The following MGAT4C variants were observed in gnomAD, a reference collection of about 807,000 sequenced individuals.
The protein encoded by MGAT4C is alpha-1,3-mannosyl-glycoprotein 4-beta-N-acetylglucosaminyltransferase C.
Under a neutral mutation model 40.1 loss-of-function variants are expected in MGAT4C, and 19 were observed. That is an observed-to-expected ratio of 0.47 (90% CI 0.33 to 0.70). The LOEUF is 0.70. Among genes scored for constraint, MGAT4C ranks in the 30% least tolerant of loss-of-function variants. The pLI is 0.02. For synonymous variants in MGAT4C, 181 were observed against 187.1 expected, an observed-to-expected ratio of 0.97 and a Z score of 0.27; for missense variants, 491 against 563.2, an observed-to-expected ratio of 0.87 and a Z score of 1.30.
At chr12:86,521,601 T>G (rs1248114876) in intron 2 of MGAT4C, among the ~76,000 whole-genome samples, 1 of 151,906 alleles carries the variant, frequency 6.6e-6, no homozygotes, top group Admixed American at 6.6e-5. Flanking sequence ...TATGAATTTT[T>G]AATTTTTTTT....
intron 1 of MGAT4C, among the ~76,000 whole-genome samples, chr12:86,124,510 GT>G (rs564527980): frequency 3.9e-4 from 59 of 152,254 alleles, no homozygotes; most frequent in Non-Finnish European, 3.5e-4. Context: ...TTGTTGGTTG[GT>G]TTGGTAAGTC....
intron 2 of MGAT4C, among the ~76,000 whole-genome samples, chr12:86,454,832 T>G (rs1474268665): frequency 6.6e-6 from 1 of 152,084 alleles, no homozygotes; most frequent in Non-Finnish European, 1.5e-5. Flanking sequence ...ATATGAAATC[T>G]GTGTAAATTC....
intron 3 of MGAT4C, among the ~76,000 whole-genome samples, chr12:85,985,048 G>A (rs1442989140): frequency 6.6e-6 from 1 of 152,172 alleles, no homozygotes; most frequent in Non-Finnish European, 1.5e-5. Context: ...CCAAAGTGCT[G>A]GGATTATAGG....
At chr12:86,643,897 A>C (rs1963461850) in intron 2 of MGAT4C, among the ~76,000 whole-genome samples, 1 of 151,804 alleles carries the variant, frequency 6.6e-6, no homozygotes, top group Non-Finnish European at 1.5e-5. Flanking sequence ...AAATACACTA[A>C]ATTGTATACT....
At chr12:86,097,375 G>A (rs761952240) in intron 1 of MGAT4C, among the ~76,000 whole-genome samples, 4 of 151,610 alleles carry the variant, frequency 2.6e-5, no homozygotes, top group Non-Finnish European at 4.4e-5. Flanking sequence ...ATTGACTTTA[G>A]AATAACAATG....
At chr12:86,021,753 C>A (rs1238026884) in intron 2 of MGAT4C, among the ~76,000 whole-genome samples, 1 of 151,962 alleles carries the variant, frequency 6.6e-6, no homozygotes, top group African/African-American at 2.4e-5. Context: ...ATAAAAAAGA[C>A]ATAATACATA....
At chr12:86,010,724 T>C (rs1371341401) in intron 2 of MGAT4C, among the ~76,000 whole-genome samples, 1 of 152,018 alleles carries the variant, frequency 6.6e-6, no homozygotes, top group Non-Finnish European at 1.5e-5. Context: ...AAAACCCATG[T>C]TGAAAGATAA....
chr12:86,424,795 C>T lies in MGAT4C; in HGVS notation c.-120+10362G>A, dbSNP rs11103955. Among the ~76,000 whole-genome samples the T allele has an allele frequency of 6.4e-3, 972 of 152,224 alleles. 9 individuals are homozygous for T. Among genetic ancestry groups the T allele is most frequent in the East Asian group, 0.033 (173 of 5,176 alleles). ...ATATTTAGACAGAATCTCACTCTGA[C>T]GCACAGGCTGGAGTGCAGTGGTAGG... On this transcript the variant is annotated intron_variant, in intron 3 of 7. Coordinates refer to the MGAT4C transcript ENST00000548651.
At chr12:86,348,784 C>T (rs909643292) in intron 3 of MGAT4C, among the ~76,000 whole-genome samples, 6 of 152,094 alleles carry the variant, frequency 3.9e-5, no homozygotes, top group African/African-American at 1.4e-4. Context: ...TGGTATATTA[C>T]AATGATGTGT....
intron 2 of MGAT4C, among the ~76,000 whole-genome samples, chr12:86,601,570 G>A (rs942860945): frequency 2.0e-5 from 3 of 152,082 alleles, no homozygotes; most frequent in African/African-American, 7.2e-5. Flanking sequence ...CCAATTGTCT[G>A]AGTAATCTCA....
chr12:86,832,675 G>A (rs1056865907), intron 1 of MGAT4C, among the ~76,000 whole-genome samples: 1 of 151,696 alleles, frequency 6.6e-6, no homozygotes, highest in African/African-American at 2.4e-5. Flanking sequence ...CCGTGCCATG[G>A]TTTGAGAGCC....
chr12:86,368,972 A>T (rs1955665658), intron 3 of MGAT4C, among the ~76,000 whole-genome samples: 1 of 151,932 alleles, frequency 6.6e-6, no homozygotes, highest in South Asian at 2.1e-4. Flanking sequence ...GGGGTATTGA[A>T]GTTTCCTACT....
intron 4 of MGAT4C, among the ~76,000 whole-genome samples, chr12:86,332,872 A>G (rs1954703890): frequency 2.0e-5 from 3 of 152,096 alleles, no homozygotes. Flanking sequence ...TTTTTTTGTT[A>G]CAAACACTTG....
At chr12:86,017,218 G>A (rs1889177595) in intron 2 of MGAT4C, among the ~76,000 whole-genome samples, 1 of 152,266 alleles carries the variant, frequency 6.6e-6, no homozygotes, top group South Asian at 2.1e-4. Context: ...GTGTGTGTAT[G>A]TATGTGTTTA....
intron 1 of MGAT4C, among the ~76,000 whole-genome samples, chr12:86,777,928 G>A (rs1278485877): frequency 1.3e-5 from 2 of 152,068 alleles, no homozygotes; most frequent in Admixed American, 1.3e-4. Context: ...GAATAATACT[G>A]CTCAGTCTTT....
chr12:86,776,032 C>T (rs73393154), intron 1 of MGAT4C, among the ~76,000 whole-genome samples: 18 of 151,906 alleles, frequency 1.2e-4, no homozygotes, highest in African/African-American at 2.9e-4. Context: ...AAATCAATGA[C>T]GTTTCTGTTT....
At chr12:86,559,989 C>T (rs899728466) in intron 2 of MGAT4C, among the ~76,000 whole-genome samples, 7 of 151,450 alleles carry the variant, frequency 4.6e-5, no homozygotes, top group Admixed American at 2.6e-4. Context: ...CACAGATATC[C>T]CAAGGGTCAA....
At chr12:86,276,956 G>A (rs1398992435) in intron 4 of MGAT4C, among the ~76,000 whole-genome samples, 1 of 152,190 alleles carries the variant, frequency 6.6e-6, no homozygotes, top group Non-Finnish European at 1.5e-5. Context: ...CCCAGCAGTA[G>A]CATTGCTGGA....
rs556089788 is a variant in MGAT4C at position 86,741,419 on chromosome 12, A to G, written c.-261-14178T>C. Among the ~76,000 whole-genome samples, 3 of 151,502 alleles carry G rather than the reference A, an allele frequency of 2.0e-5. No individual in the cohort carries two copies. The East Asian group carries it at 5.8e-4, about 29-fold the overall frequency. ...CTATAATGCATATTATTGTTAAAATAACACACTGAATGTAGTAATTTCCTC... is the reference window on the plus strand; with the variant it reads ...CTATAATGCATATTATTGTTAAAATGACACACTGAATGTAGTAATTTCCTC... On this transcript the variant is annotated intron_variant, in intron 1 of 7. Transcript: ENST00000548651.
Sources: gnomAD v4.1 joint callset for allele counts (sites outside exome capture counted in the v4.1 genomes callset) on GRCh38, gnomAD v4.1.1 for gene constraint, MANE v1.5 for transcripts, NCBI Gene and HGNC (gene_info 2026-07-23, HGNC 2026-07-21) for gene names.